Variants in BLTP3A observed in about 807,000 individuals in gnomAD.
BLTP3A encodes bridge-like lipid transfer protein family member 3A.
the BLTP3A span, among the ~76,000 whole-genome samples, chr6:34,805,465 T>C: frequency 1.3e-5 from 2 of 151,734 alleles, no homozygotes; most frequent in South Asian, 2.1e-4. Context: ...TGGTGGTTCA[T>C]GCCTGTAATC....
chr6:34,855,734 C>T, the BLTP3A span: 38 of 1,612,134 alleles, frequency 2.4e-5, no homozygotes, highest in African/African-American at 4.0e-4. Context: ...GGCCAATTCT[C>T]GCATAGCCCA....
the BLTP3A span, among the ~76,000 whole-genome samples, chr6:34,813,259 C>A: frequency 1.3e-5 from 2 of 152,202 alleles, no homozygotes; most frequent in Non-Finnish European, 2.9e-5. Flanking sequence ...AGCTTTACCA[C>A]TGGCAAGCTG....
chr6:34,831,442 T>G, the BLTP3A span, among the ~76,000 whole-genome samples: 1 of 152,206 alleles, frequency 6.6e-6, no homozygotes, highest in Admixed American at 6.5e-5. Flanking sequence ...CTTAATTTTT[T>G]TTAAATTATT....
chr6:34,839,344 CT>C, the BLTP3A span, among the ~76,000 whole-genome samples: 3 of 145,864 alleles, frequency 2.1e-5, no homozygotes, highest in Non-Finnish European at 4.5e-5. Context: ...GTAACTCTTT[CT>C]CTGGGATTTG....
the BLTP3A span, among the ~76,000 whole-genome samples, chr6:34,821,236 G>C: frequency 6.6e-6 from 1 of 152,198 alleles, no homozygotes; most frequent in Non-Finnish European, 1.5e-5. Flanking sequence ...GATTACAGGC[G>C]TGAGCCACTG....
the BLTP3A span, among the ~76,000 whole-genome samples, chr6:34,869,456 C>T: frequency 1.3e-5 from 2 of 151,996 alleles, no homozygotes; most frequent in East Asian, 3.8e-4. Context: ...AATTTGTACA[C>T]GTGTTTATAT....
At chr6:34,796,247 A>G in the BLTP3A span, among the ~76,000 whole-genome samples, 1 of 152,356 alleles carries the variant, frequency 6.6e-6, no homozygotes, top group Non-Finnish European at 1.5e-5. Context: ...TTATTTGGAC[A>G]TGAAGTTTTT....
the BLTP3A span, among the ~76,000 whole-genome samples, chr6:34,842,233 C>A: frequency 6.6e-6 from 1 of 152,126 alleles, no homozygotes; most frequent in Non-Finnish European, 1.5e-5. Flanking sequence ...TAATATCACC[C>A]CAAACAGGTG....
the BLTP3A span, chr6:34,863,910 G>T: frequency 7.9e-7 from 1 of 1,264,132 alleles, no homozygotes. Context: ...TTATCCAGTT[G>T]TCTGAGCTGA....
At chr6:34,794,199 A>C in the BLTP3A span, among the ~76,000 whole-genome samples, 1 of 141,166 alleles carries the variant, frequency 7.1e-6, no homozygotes, top group African/African-American at 2.9e-5. Flanking sequence ...ATGTAATTGA[A>C]TTGTTTGTAA....
chr6:34,871,764 CTGTT>C, the BLTP3A span: 1 of 1,611,502 alleles, frequency 6.2e-7, no homozygotes, highest in Admixed American at 1.7e-5. Context: ...CACCTAGGAA[CTGTT>C]TGGGAGTTGG....
At chr6:34,796,794 C>T in the BLTP3A span, among the ~76,000 whole-genome samples, 1 of 152,150 alleles carries the variant, frequency 6.6e-6, no homozygotes, top group African/African-American at 2.4e-5. Flanking sequence ...ACCTCTGCCC[C>T]CCCGAGTTCA....
At chr6:34,875,426 C>G in the BLTP3A span, 1 of 152,192 alleles carries the variant, frequency 6.6e-6, no homozygotes, top group Non-Finnish European at 1.5e-5. Flanking sequence ...TGATTCTCTT[C>G]TCATCCCTTC....
At chr6:34,856,882 C>T in the BLTP3A span, 51 of 1,614,070 alleles carry the variant, frequency 3.2e-5, no homozygotes, top group Middle Eastern at 1.6e-4. Flanking sequence ...GAACCGCTTA[C>T]GCTCTAGCTG....
chr6:34,792,191 A>G, the BLTP3A span: 4 of 1,482,376 alleles, frequency 2.7e-6, no homozygotes, highest in African/African-American at 2.9e-5. Flanking sequence ...CCTCTTCTCC[A>G]CAACTGAGGA....
the BLTP3A span, among the ~76,000 whole-genome samples, chr6:34,851,723 C>G: frequency 9.2e-5 from 14 of 152,328 alleles, no homozygotes; most frequent in African/African-American, 2.9e-4. Context: ...CTTCCCCTAG[C>G]TCAGGGCGGG....
the BLTP3A span, among the ~76,000 whole-genome samples, chr6:34,826,357 CTTTTT>C: frequency 7.4e-6 from 1 of 135,424 alleles, no homozygotes; most frequent in Non-Finnish European, 1.6e-5. Flanking sequence ...TTACATCCTA[CTTTTT>C]TTTTTTTTTT....
At chr6:34,853,067 AC>A in the BLTP3A span, among the ~76,000 whole-genome samples, 1 of 152,058 alleles carries the variant, frequency 6.6e-6, no homozygotes, top group African/African-American at 2.4e-5. Flanking sequence ...GCAATTCAAA[AC>A]TGTCTTTTCT....
At chr6:34,828,318 G>A in the BLTP3A span, among the ~76,000 whole-genome samples, 5 of 151,870 alleles carry the variant, frequency 3.3e-5, no homozygotes, top group African/African-American at 1.2e-4. Flanking sequence ...GTGCATGGTG[G>A]CACGCGCCTG....
Sources: gnomAD v4.1 joint callset for allele counts (sites outside exome capture counted in the v4.1 genomes callset) on GRCh38, gnomAD v4.1.1 for gene constraint, MANE v1.5 for transcripts, NCBI Gene and HGNC (gene_info 2026-07-23, HGNC 2026-07-21) for gene names.